Variants in MEOX2 observed in about 807,000 individuals in gnomAD.
MEOX2 encodes homeobox protein MOX-2.
Under a neutral mutation model 27.0 loss-of-function variants are expected in MEOX2, and 11 were observed. That is an observed-to-expected ratio of 0.41 (90% CI 0.26 to 0.68). The LOEUF is 0.68. Among genes scored for constraint, MEOX2 ranks in the 30% least tolerant of loss-of-function variants. The pLI is 0.33. For synonymous variants in MEOX2, 189 were observed against 155.4 expected (o/e 1.22, Z -1.61); for missense variants, 436 against 385.4 (o/e 1.13, Z -1.10).
chr7:15,647,563 T>C (rs1241937373), intron 1 of MEOX2, among the ~76,000 whole-genome samples: 3 of 152,118 alleles, frequency 2.0e-5, no homozygotes, highest in African/African-American at 7.2e-5. Context: ...AGGATAATGA[T>C]CTAGGTTCTA....
intron 2 of MEOX2, among the ~76,000 whole-genome samples, chr7:15,624,216 G>C (rs979460685): frequency 5.9e-5 from 9 of 152,128 alleles, no homozygotes; most frequent in African/African-American, 9.7e-5. Context: ...TAAAGCCTTA[G>C]TTTTGATTAG....
At chr7:15,673,467 T>C (rs1252952589) in intron 1 of MEOX2, among the ~76,000 whole-genome samples, 1 of 151,694 alleles carries the variant, frequency 6.6e-6, no homozygotes, top group Non-Finnish European at 1.5e-5. Context: ...CACACAGAAG[T>C]GCATATAAAA....
At chr7:15,658,710 C>G (rs1318806566) in intron 1 of MEOX2, among the ~76,000 whole-genome samples, 7 of 151,956 alleles carry the variant, frequency 4.6e-5, no homozygotes, top group East Asian at 1.9e-4. Context: ...GGATTTGCAC[C>G]CTTATAAGAA....
intron 1 of MEOX2, among the ~76,000 whole-genome samples, chr7:15,673,297 G>T (rs1159712152): frequency 6.6e-6 from 1 of 152,164 alleles, no homozygotes; most frequent in Non-Finnish European, 1.5e-5. Context: ...ATATTATATG[G>T]CAAGGGAAAA....
Position 15,611,993 on chromosome 7 carries a change from T to G in MEOX2, c.*394A>C. The G allele has an allele frequency of 5.0e-6, 1 of 201,838 alleles. No homozygotes were observed. Among genetic ancestry groups the G allele is most frequent in the East Asian group, 1.1e-4 (1 of 8,900 alleles). The allele number at this position is 201,838 out of a possible 1,614,324, so 12.5% of individuals were successfully genotyped here. A position where few individuals can be genotyped will look rare whatever the true frequency, so the allele number is the denominator to read the frequency against. The stretch of plus-strand genomic sequence containing the variant: ...CCTGCCCACTGTAATACACATGATC[T>G]CACACATCTGGAATGTTCAATGCAA... On this transcript the variant is annotated 3_prime_UTR_variant, in exon 3 of 3. Transcript: ENST00000262041.
chr7:15,616,921 T>C (rs1487391533), intron 2 of MEOX2, among the ~76,000 whole-genome samples: 1 of 151,936 alleles, frequency 6.6e-6, no homozygotes, highest in Non-Finnish European at 1.5e-5. Flanking sequence ...ATGGAGGAAA[T>C]GTAAATGTAA....
intron 1 of MEOX2, among the ~76,000 whole-genome samples, chr7:15,650,409 CTT>C (rs1382793121): frequency 6.6e-6 from 1 of 152,094 alleles, no homozygotes; most frequent in Non-Finnish European, 1.5e-5. Context: ...GCAATTCACA[CTT>C]AATTTTTTAC....
At position 15,612,334 on chromosome 7, in the gene MEOX2, G is replaced by A. The variant is rs927085464; in HGVS notation, c.*53C>T. 3 of 1,407,192 alleles carry A rather than the reference G, an allele frequency of 2.1e-6. No homozygotes were observed. The South Asian group carries it at 3.4e-5, about 16-fold the overall frequency. 87.2% of individuals were successfully genotyped at this position (1,407,192 alleles called of 1,614,324 possible). ...TCTGTGTAAACGATATTTGGGTAAG[G>A]CTTGCCATCACAACATTTCTTTCCT... On this transcript the variant is annotated 3_prime_UTR_variant, in exon 3 of 3. Coordinates refer to ENST00000262041, the MANE Select transcript of MEOX2 (RefSeq NM_005924.5).
chr7:15,613,204 G>A (rs1304722352), intron 2 of MEOX2, among the ~76,000 whole-genome samples: 1 of 151,812 alleles, frequency 6.6e-6, no homozygotes, highest in South Asian at 2.1e-4. Context: ...GCAAATATTT[G>A]ATCTAGTGAT....
At chr7:15,684,589 A>C (rs1321954994) in intron 1 of MEOX2, among the ~76,000 whole-genome samples, 1 of 152,200 alleles carries the variant, frequency 6.6e-6, no homozygotes, top group African/African-American at 2.4e-5. Flanking sequence ...GTGAATGGTG[A>C]AGGAATATTA....
At chr7:15,666,770 AAAAAAAAAAATAT>A (rs1272462727) in intron 1 of MEOX2, among the ~76,000 whole-genome samples, 5 of 64,598 alleles carry the variant, frequency 7.7e-5, no homozygotes, top group Admixed American at 2.0e-4. Flanking sequence ...AAAAAAAAAA[AAAAAAAAAAATAT>A]ATATATATAT....
chr7:15,668,912 A>G (rs1782053398), intron 1 of MEOX2, among the ~76,000 whole-genome samples: 1 of 152,220 alleles, frequency 6.6e-6, no homozygotes, highest in African/African-American at 2.4e-5. Flanking sequence ...TAGTGTCTCT[A>G]ATAGGGATGC....
At chr7:15,684,468 T>C (rs1330551316) in intron 1 of MEOX2, among the ~76,000 whole-genome samples, 1 of 152,186 alleles carries the variant, frequency 6.6e-6, no homozygotes, top group Non-Finnish European at 1.5e-5. Context: ...AACTAATTTG[T>C]GATGGAACAT....
intron 1 of MEOX2, among the ~76,000 whole-genome samples, chr7:15,665,763 A>G (rs1781993804): frequency 6.6e-6 from 1 of 152,218 alleles, no homozygotes; most frequent in Non-Finnish European, 1.5e-5. Context: ...AGACTAGGAA[A>G]GTAGATTTAT....
chr7:15,627,525 T>C (rs907524055), intron 1 of MEOX2, among the ~76,000 whole-genome samples: 14 of 152,088 alleles, frequency 9.2e-5, no homozygotes, highest in African/African-American at 2.9e-4. Context: ...TGAAATTGTG[T>C]TCATATGACT....
intron 1 of MEOX2, among the ~76,000 whole-genome samples, chr7:15,685,026 C>A (rs975515604): frequency 1.3e-5 from 2 of 152,168 alleles, no homozygotes; most frequent in South Asian, 4.1e-4. Context: ...GCGCCTCCTG[C>A]GCGCACCCTT....
intron 1 of MEOX2, among the ~76,000 whole-genome samples, chr7:15,678,537 CT>C (rs1381383524): frequency 2.0e-5 from 3 of 152,144 alleles, no homozygotes; most frequent in Admixed American, 1.3e-4. Context: ...CCCATTTAAT[CT>C]TTTCAACTAA....
intron 1 of MEOX2, among the ~76,000 whole-genome samples, chr7:15,646,055 C>T (rs965643928): frequency 6.6e-6 from 1 of 152,056 alleles, no homozygotes; most frequent in Non-Finnish European, 1.5e-5. Flanking sequence ...ATGCTAATTA[C>T]TCTGCATTAA....
chr7:15,655,531 C>T (rs1381264992), intron 1 of MEOX2, among the ~76,000 whole-genome samples: 1 of 151,582 alleles, frequency 6.6e-6, no homozygotes, highest in Non-Finnish European at 1.5e-5. Context: ...CATCTTGGGG[C>T]TGCTTTAATT....
Sources: gnomAD v4.1 joint callset for allele counts (sites outside exome capture counted in the v4.1 genomes callset) on GRCh38, gnomAD v4.1.1 for gene constraint, MANE v1.5 for transcripts, NCBI Gene and HGNC (gene_info 2026-07-23, HGNC 2026-07-21) for gene names.